The following MARCO variants were observed in gnomAD, a reference collection of about 807,000 sequenced individuals.
MARCO encodes macrophage receptor MARCO.
In MARCO, 72 loss-of-function variants were observed where a neutral mutation model predicts 70.0. The ratio of observed to expected loss-of-function variants is 1.03; its 90% confidence interval spans 0.85 to 1.25. MARCO has a LOEUF of 1.25. Among genes scored for constraint, MARCO ranks in the 50% most tolerant of loss-of-function variants. The probability of loss-of-function intolerance (pLI) is 0.00; values close to 1 mark genes in which losing one functional copy is unlikely to be tolerated. For missense variants in MARCO, 696 were observed against 659.3 expected, an observed-to-expected ratio of 1.06 and a Z score of -0.61; for synonymous variants, 273 against 243.1, an observed-to-expected ratio of 1.12 and a Z score of -1.14.
intron 16 of MARCO, among the ~76,000 whole-genome samples, chr2:118,993,715 C>A (rs1680668340): frequency 6.6e-6 from 1 of 152,206 alleles, no homozygotes; most frequent in Non-Finnish European, 1.5e-5. Context: ...GATTGACCAG[C>A]AAGCAGTCTT....
rs185053102 is a variant in MARCO, at chr2:118,991,352, T to C, written c.1109-425T>C. Among the ~76,000 whole-genome samples the C allele has an allele frequency of 2.0e-5, 3 of 151,664 alleles. No homozygotes were observed. In the East Asian group the frequency reaches 5.8e-4, roughly 30 times the overall value. ...AGGATAGCTCACTGTAGCCTTGGCC[T>C]CCCGGGATCAAGTGATCCTCCCACC... On this transcript the variant is annotated intron_variant, in intron 13 of 16. Transcript: ENST00000327097.
intron 8 of MARCO, among the ~76,000 whole-genome samples, chr2:118,978,702 TAA>T (rs1030742328): frequency 1.3e-5 from 2 of 152,162 alleles, no homozygotes; most frequent in Admixed American, 6.6e-5. Flanking sequence ...GTAATTAAGT[TAA>T]AAAATAATTA....
At position 118,982,360 on chromosome 2, in the gene MARCO, GC is replaced by G; in HGVS notation, c.1017del (p.Ser341ValfsTer7). On this transcript the variant is annotated frameshift_variant, in exon 12 of 17. Coordinates refer to ENST00000327097, the MANE Select transcript of MARCO (RefSeq NM_006770.4). LOFTEE classifies it high-confidence loss of function. ...GTCTGTTGTCCAGGACTTCCAGGGA[GC>G]CCCGGGAGTCCAGGAGCCACAGGCC... Reference protein sequence around the residue: ...GSPGRAGLPGSPGSPGATGLK... With the variant: ...GSPGRAGLPGXPGSPGATGLK... The G allele has an allele frequency of 6.2e-7, 1 of 1,613,934 alleles. No individual in the cohort carries two copies. Among genetic ancestry groups the G allele is most frequent in the Non-Finnish European group, 8.5e-7 (1 of 1,179,886 alleles).
intron 1 of MARCO, among the ~76,000 whole-genome samples, chr2:118,953,893 G>A (rs771162254): frequency 1.4e-4 from 21 of 152,170 alleles, no homozygotes; most frequent in Non-Finnish European, 2.6e-4. Context: ...CAGGGGTGGG[G>A]GAAGCAGCAG....
intron 14 of MARCO, 40 bp downstream of exon 14, chr2:118,991,915 T>A (rs1680629805): frequency 7.3e-7 from 1 of 1,375,736 alleles, no homozygotes; most frequent in Non-Finnish European, 1.0e-6. Context: ...CTTAGGACTG[T>A]GCTTTACAGC....
intron 3 of MARCO, among the ~76,000 whole-genome samples, chr2:118,970,942 T>C (rs1320740975): frequency 5.3e-5 from 8 of 152,168 alleles, no homozygotes; most frequent in Non-Finnish European, 1.0e-4. Context: ...CTCTGGGCCC[T>C]GTGTGAGCTG....
intron 15 of MARCO, chr2:118,992,920 T>A: frequency 1.8e-6 from 1 of 548,912 alleles, no homozygotes; most frequent in Non-Finnish European, 3.2e-6. Flanking sequence ...TGTGGCCTTG[T>A]GCCTGCAGGC....
At chr2:118,988,431 G>C (rs981111091) in intron 12 of MARCO, among the ~76,000 whole-genome samples, 1 of 151,970 alleles carries the variant, frequency 6.6e-6, no homozygotes, top group Admixed American at 6.5e-5. Context: ...TGTCAAGACT[G>C]GTGGGGAGAA....
intron 13 of MARCO, among the ~76,000 whole-genome samples, chr2:118,990,994 C>A (rs1680611853): frequency 6.6e-6 from 1 of 152,306 alleles, no homozygotes; most frequent in East Asian, 1.9e-4. Context: ...GCTTCCCCAC[C>A]TCAGCTGTGG....
chr2:118,981,493 G>A lies in MARCO; in HGVS notation c.851G>A (p.Arg284Lys), dbSNP rs768307682. The change falls in exon 9 of 17, where the codon AGG becomes AAG. Residue 284 changes from arginine to lysine, a missense_variant. Physicochemically the swap from Arg to Lys is conservative, Grantham distance 26 (BLOSUM62 2). Transcript: ENST00000327097. ...GAQGSKGDFG[R>K]PGPPGLAGFP... ...CAGGGGAGTAAAGGTGACTTCGGGA[G>A]GCCAGGCCCACCAGGTAAGAGGGCA... The A allele has an allele frequency of 1.2e-6, 2 of 1,601,532 alleles. No homozygotes were observed. The highest frequency in any genetic ancestry group is 1.7e-6 in the Non-Finnish European group (2 of 1,177,058).
At position 118,974,561 on chromosome 2, in the gene MARCO, G is replaced by A; in HGVS notation, c.609G>A (p.Glu203=). ...AAGGCCCACCGGGAGTCAAGGGAGA[G>A]GCGGGTGAGTAGGTGCTGGGTATGT... The part of the protein sequence containing the change: ...GPQGPPGVKG[E]AGLQGPQGAP... Residue 203 remains glutamate (E), a synonymous_variant, in exon 6 of 17, where the codon GAG becomes GAA. Transcript: ENST00000327097. The A allele has an allele frequency of 6.2e-7, 1 of 1,613,208 alleles. No individual in the cohort carries two copies. The highest frequency in any genetic ancestry group is 8.5e-7 in the Non-Finnish European group (1 of 1,179,784).
At chr2:118,955,997 T>C (rs536118338) in intron 1 of MARCO, among the ~76,000 whole-genome samples, 1 of 152,066 alleles carries the variant, frequency 6.6e-6, no homozygotes, top group African/African-American at 2.4e-5. Context: ...ATCCCAGAAA[T>C]ACATCAAAAC....
intron 12 of MARCO, among the ~76,000 whole-genome samples, chr2:118,983,813 C>T (rs956813191): frequency 6.6e-6 from 1 of 152,076 alleles, no homozygotes; most frequent in Non-Finnish European, 1.5e-5. Context: ...TGCCCCCACC[C>T]CCACTGCCAG....
At chr2:118,965,297 G>A (rs879582039) in intron 1 of MARCO, among the ~76,000 whole-genome samples, 12 of 152,048 alleles carry the variant, frequency 7.9e-5, no homozygotes, top group East Asian at 1.9e-4. Flanking sequence ...TTCTATCATC[G>A]AGTTAACTGA....
intron 11 of MARCO, 31 bp from the exon 12 acceptor site, chr2:118,982,317 C>T (rs1240816141): frequency 8.7e-6 from 14 of 1,613,208 alleles, no homozygotes; most frequent in Non-Finnish European, 1.2e-5. Flanking sequence ...CTAGTCCAGC[C>T]CTTATGCTCT....
intron 1 of MARCO, among the ~76,000 whole-genome samples, chr2:118,956,086 A>G (rs1010251964): frequency 6.6e-6 from 1 of 152,208 alleles, no homozygotes; most frequent in Non-Finnish European, 1.5e-5. Flanking sequence ...AAAAACCAAA[A>G]TGAAACAAAG....
At chr2:118,963,320 T>A (rs937709436) in intron 1 of MARCO, among the ~76,000 whole-genome samples, 2 of 102,776 alleles carry the variant, frequency 1.9e-5, no homozygotes, top group Non-Finnish European at 3.7e-5. Flanking sequence ...ATTTTTAAAA[T>A]TTTTTTGATG....
At chr2:118,953,530 A>G (rs773287817) in intron 1 of MARCO, among the ~76,000 whole-genome samples, 18 of 152,266 alleles carry the variant, frequency 1.2e-4, no homozygotes, top group Middle Eastern at 3.4e-3. Context: ...ATTCATTCGA[A>G]AAGTTTTCTG....
At chr2:118,944,813 C>T (rs1194831403) in intron 1 of MARCO, 1 of 152,140 alleles carries the variant, frequency 6.6e-6, no homozygotes, top group East Asian at 1.9e-4. Context: ...GTAAATTTCA[C>T]ACTGTACCCT....
Sources: allele counts gnomAD v4.1 joint callset (sites outside exome capture counted in the v4.1 genomes callset), GRCh38; gene constraint gnomAD v4.1.1; transcripts MANE v1.5; gene names NCBI Gene and HGNC (gene_info 2026-07-23, HGNC 2026-07-21).